Variants in CEP43 observed in about 807,000 individuals in gnomAD.
CEP43 encodes centrosomal protein 43.
Under a neutral mutation model 52.6 loss-of-function variants are expected in CEP43, and 36 were observed. The ratio of observed to expected loss-of-function variants is 0.68; its 90% CI spans 0.52 to 0.90. The LOEUF is 0.90. CEP43 is among the 40% of genes least tolerant of loss of function. CEP43 has a pLI of 0.00. For synonymous variants in CEP43, 192 were observed against 172.4 expected (o/e 1.11, Z -0.89); for missense variants, 506 against 472.8 (o/e 1.07, Z -0.65).
chr6:167,039,005 G>A (rs1355246817), intron 12 of CEP43, among the ~76,000 whole-genome samples: 1 of 152,118 alleles, frequency 6.6e-6, no homozygotes, highest in East Asian at 1.9e-4. Flanking sequence ...TTATGCCATT[G>A]CATCCTCATA....
At chr6:167,024,346 C>G (rs758635249) in intron 8 of CEP43, among the ~76,000 whole-genome samples, 13 of 152,118 alleles carry the variant, frequency 8.5e-5, no homozygotes, top group African/African-American at 1.2e-4. Flanking sequence ...TAAAGGTCCC[C>G]TTGAGGTTAG....
In CEP43 at chr6:167,046,644, C is replaced by A. The variant is rs915078400; in HGVS notation, c.*6666C>A. 2.0e-5 allele frequency: 3 copies of A among 152,298 alleles called. No homozygotes were observed. Among genetic ancestry groups the A allele is most frequent in the African/African-American group, 7.2e-5 (3 of 41,470 alleles). The allele number at this position is 152,298 out of a possible 1,614,324, so 9.4% of individuals were successfully genotyped here. A position where few individuals can be genotyped will look rare whatever the true frequency, so the allele number is the denominator to read the frequency against. On this transcript the variant is annotated 3_prime_UTR_variant, in exon 13 of 13. Transcript: ENST00000366847. ...GAGGTGGCCCCATCCTGTGATGTGCCACCACATCCCTTTTCAGTGAAGGGC... is the reference window on the plus strand; with the variant it reads ...GAGGTGGCCCCATCCTGTGATGTGCAACCACATCCCTTTTCAGTGAAGGGC...
At chr6:167,015,958 A>G (rs919255215) in intron 7 of CEP43, among the ~76,000 whole-genome samples, 7 of 152,118 alleles carry the variant, frequency 4.6e-5, no homozygotes, top group African/African-American at 1.7e-4. Context: ...TTAAAAATGA[A>G]TTAATAATTT....
chr6:167,041,844 G>GGGGCCCC lies in CEP43; in HGVS notation c.*1866_*1867insGGGCCCC. On this transcript the variant is annotated 3_prime_UTR_variant, in exon 13 of 13. Transcript: ENST00000366847. ...TCTTTTTTTTGCGGGGGGCGGGGGG[G>GGGGCCCC]ACAGAGTCTCACTGTGTCACTCAGA... The GGGGCCCC allele has an allele frequency of 1.4e-5, 2 of 144,934 alleles. No individual in the cohort carries two copies. Among genetic ancestry groups the GGGGCCCC allele is most frequent in the Non-Finnish European group, 2.5e-5 (2 of 80,404 alleles). The allele number at this position is 144,934 out of a possible 1,614,324, so 9.0% of individuals were successfully genotyped here.
rs937197496 is a variant in CEP43 at position 167,048,829 on chromosome 6, T to G, written c.*8851T>G. ...AGAGCATGTACATCACTAAATGTTC[T>G]TAGTCACTGAAAGTGTGAAATAGCC... On this transcript the variant is annotated 3_prime_UTR_variant, in exon 13 of 13. Coordinates refer to ENST00000366847, the MANE Select transcript of CEP43 (RefSeq NM_007045.4). 2 of 152,224 alleles carry G rather than the reference T, an allele frequency of 1.3e-5. No individual in the cohort carries two copies. The highest frequency in any genetic ancestry group is 1.3e-4 in the Admixed American group (2 of 15,290). The allele number at this position is 152,224 out of a possible 1,614,324, so 9.4% of individuals were successfully genotyped here.
chr6:167,035,856 C>G (rs377448620), intron 12 of CEP43, among the ~76,000 whole-genome samples: 2 of 152,236 alleles, frequency 1.3e-5, no homozygotes, highest in African/African-American at 2.4e-5. Context: ...CGTGAGCCAC[C>G]GCGCCCAGCA....
intron 9 of CEP43, 102 bp downstream of exon 9, chr6:167,024,996 A>G (rs1362525483): frequency 4.4e-6 from 3 of 685,520 alleles, no homozygotes; most frequent in African/African-American, 1.8e-5. Context: ...AATCACTAAA[A>G]TAACCTATCA....
At chr6:167,017,600 TC>T (rs1290733728) in intron 7 of CEP43, among the ~76,000 whole-genome samples, 5 of 152,078 alleles carry the variant, frequency 3.3e-5, no homozygotes, top group Admixed American at 2.6e-4. Context: ...TTTTTTTTTT[TC>T]AGGTTCTTAA....
rs1780867544 is a variant in CEP43 at position 167,051,351 on chromosome 6, G to A, written c.*11373G>A. 6.6e-6 allele frequency: 1 copy of A among 152,134 alleles called. No homozygotes were observed. The highest frequency in any genetic ancestry group is 2.4e-5 in the African/African-American group (1 of 41,438). 9.4% of individuals were successfully genotyped at this position (152,134 alleles called of 1,614,324 possible). A position where few individuals can be genotyped will look rare whatever the true frequency, so the allele number is the denominator to read the frequency against. On this transcript the variant is annotated 3_prime_UTR_variant, in exon 13 of 13. Coordinates refer to ENST00000366847, the MANE Select transcript of CEP43 (RefSeq NM_007045.4). ...AGTTTTACAAAGGCAGTTTAATTTT[G>A]GGGGGCAGGGCTATTATCATCTAAA... is the stretch of plus-strand genomic sequence containing the variant.
chr6:167,039,098 G>A (rs151219216), intron 12 of CEP43, among the ~76,000 whole-genome samples: 3,083 of 152,108 alleles, frequency 0.02, 50 homozygotes, highest in East Asian at 0.091. Context: ...ATGGTCTCCA[G>A]TTCCATCCAG....
At chr6:167,023,131 T>TG (rs1364171835) in intron 8 of CEP43, among the ~76,000 whole-genome samples, 1 of 151,904 alleles carries the variant, frequency 6.6e-6, no homozygotes, top group Non-Finnish European at 1.5e-5. Context: ...GATGGAGCTT[T>TG]GGGGAGAGGA....
intron 7 of CEP43, among the ~76,000 whole-genome samples, chr6:167,017,148 AC>A (rs1045044095): frequency 1.3e-4 from 20 of 151,404 alleles, no homozygotes; most frequent in Admixed American, 6.6e-5. Flanking sequence ...GGCGCCCACC[AC>A]CAAGCCCGGC....
At chr6:167,014,726 T>C (rs16899777) in intron 7 of CEP43, among the ~76,000 whole-genome samples, 1 of 152,240 alleles carries the variant, frequency 6.6e-6, no homozygotes, top group African/African-American at 2.4e-5. Context: ...AAACAAGAAG[T>C]TGCTTTAAAA....
chr6:167,041,944 C>A lies in CEP43; in HGVS notation c.*1966C>A. On this transcript the variant is annotated 3_prime_UTR_variant, in exon 13 of 13. Transcript: ENST00000366847. Reference sequence around the variant, plus strand: ...GTTCAAGCGATTCTCCTGCTTCAGCCTCCTGAGTAGCTGGGATTACAGGTG... The same window carrying A: ...GTTCAAGCGATTCTCCTGCTTCAGCATCCTGAGTAGCTGGGATTACAGGTG... 1 of 464,164 alleles carries A rather than the reference C, an allele frequency of 2.2e-6. No individual in the cohort carries two copies. Among genetic ancestry groups the A allele is most frequent in the Non-Finnish European group, 2.9e-6 (1 of 348,774 alleles). 28.8% of individuals were successfully genotyped at this position (464,164 alleles called of 1,614,324 possible). A position where few individuals can be genotyped will look rare whatever the true frequency, so the allele number is the denominator to read the frequency against.
At position 167,003,220 on chromosome 6, in the gene CEP43, C is replaced by A; in HGVS notation, c.184C>A (p.Leu62Met). 1 of 1,501,856 alleles carries A rather than the reference C, an allele frequency of 6.7e-7. No individual in the cohort carries two copies. Among genetic ancestry groups the A allele is most frequent in the East Asian group, 2.4e-5 (1 of 40,924 alleles). The allele number at this position is 1,501,856 out of a possible 1,614,324, so 93.0% of individuals were successfully genotyped here. Residue 62 changes from leucine to methionine, a missense_variant, in exon 3 of 13, where the codon CTG becomes ATG. Transcript: ENST00000366847. ...ENKTPLVNES[L>M]KKFLNTKDGR... ...CAAAACTCCTTTAGTTAATGAGAGCCTGAAAAAGTTTTTAAATACCAAAGA... is the reference window on the plus strand; with the variant it reads ...CAAAACTCCTTTAGTTAATGAGAGCATGAAAAAGTTTTTAAATACCAAAGA...
chr6:167,000,161 T>C (rs1202951684), intron 2 of CEP43, 48 bp downstream of exon 2: 1 of 1,368,448 alleles, frequency 7.3e-7, no homozygotes, highest in South Asian at 1.2e-5. Flanking sequence ...TAATACTTAA[T>C]TTCTTATTCA....
intron 10 of CEP43, among the ~76,000 whole-genome samples, chr6:167,031,765 T>C (rs1406362659): frequency 6.6e-6 from 1 of 152,206 alleles, no homozygotes; most frequent in East Asian, 1.9e-4. Context: ...CCTCCAAGTC[T>C]GCTTTGAGGC....
At position 167,041,666 on chromosome 6, in the gene CEP43, A is replaced by G. The variant is rs1026630880; in HGVS notation, c.*1688A>G. ...CAGTGAAATGATTTGAAAGCATAGC[A>G]GGATGTGGCTTTTTAAATTTATGAA... On this transcript the variant is annotated 3_prime_UTR_variant, in exon 13 of 13. Coordinates refer to ENST00000366847, the MANE Select transcript of CEP43 (RefSeq NM_007045.4). 84 of 1,043,256 alleles carry G rather than the reference A, an allele frequency of 8.1e-5. No homozygotes were observed. Among genetic ancestry groups the G allele is most frequent in the Non-Finnish European group, 8.7e-5 (75 of 865,430 alleles). 64.6% of individuals were successfully genotyped at this position (1,043,256 alleles called of 1,614,324 possible).
rs545075756 is a variant in CEP43 at position 167,000,074 on chromosome 6, A to T, written c.117A>T (p.Ala39=). ...VLNRIKAELR[A]AVFLALEEQE... Reference sequence around the variant, plus strand: ...TTTTTTTTAAGGCTGAACTCCGAGCAGCTGTGTTTTTAGCACTAGAGGAGC... The same window carrying T: ...TTTTTTTTAAGGCTGAACTCCGAGCTGCTGTGTTTTTAGCACTAGAGGAGC... The change falls in exon 2 of 13, where the codon GCA becomes GCT. Residue 39 remains alanine (A), a synonymous_variant. Transcript: ENST00000366847. 1 of 1,612,842 alleles carries T rather than the reference A, an allele frequency of 6.2e-7. No individual in the cohort carries two copies. Among genetic ancestry groups the T allele is most frequent in the Non-Finnish European group, 8.5e-7 (1 of 1,179,260 alleles).
Sources: gnomAD v4.1 joint callset for allele counts (sites outside exome capture counted in the v4.1 genomes callset) on GRCh38, gnomAD v4.1.1 for gene constraint, MANE v1.5 for transcripts, NCBI Gene and HGNC (gene_info 2026-07-23, HGNC 2026-07-21) for gene names.